CAMK2D: variants seen among roughly 807,000 people sequenced by gnomAD.
CAMK2D encodes calcium/calmodulin-dependent protein kinase type II subunit delta.
Under a neutral mutation model 84.0 loss-of-function variants are expected in CAMK2D, and 37 were observed. That is an observed-to-expected ratio of 0.44 (90% CI 0.34 to 0.58). The LOEUF is 0.58. Among genes scored for constraint, CAMK2D ranks in the 20% least tolerant of loss-of-function variants. The pLI is 0.02. For missense variants in CAMK2D, 448 were observed against 652.5 expected (o/e 0.69, Z 3.41); for synonymous variants, 202 against 212.5 (o/e 0.95, Z 0.43).
intron 3 of CAMK2D, among the ~76,000 whole-genome samples, chr4:113,636,658 C>A (rs573635574): frequency 2.0e-5 from 3 of 152,260 alleles, no homozygotes; most frequent in South Asian, 4.2e-4. Flanking sequence ...AGATAGATGG[C>A]CCCCTTGTCA....
chr4:113,716,289 A>G (rs533494123), intron 2 of CAMK2D, among the ~76,000 whole-genome samples: 1 of 152,294 alleles, frequency 6.6e-6, no homozygotes, highest in South Asian at 2.1e-4. Flanking sequence ...TCATTCTATT[A>G]TACACTAAAA....
intron 3 of CAMK2D, among the ~76,000 whole-genome samples, chr4:113,614,174 C>T (rs916949445): frequency 6.6e-6 from 1 of 152,092 alleles, no homozygotes. Flanking sequence ...ACCCCCCACA[C>T]AAAATAAAAC....
At chr4:113,737,077 C>A (rs996371857) in intron 2 of CAMK2D, among the ~76,000 whole-genome samples, 3 of 152,108 alleles carry the variant, frequency 2.0e-5, no homozygotes, top group Non-Finnish European at 4.4e-5. Context: ...CTAGCACTTT[C>A]CTGTGTACAA....
chr4:113,726,550 T>A (rs958183720), intron 2 of CAMK2D, among the ~76,000 whole-genome samples: 2 of 150,816 alleles, frequency 1.3e-5, no homozygotes, highest in African/African-American at 4.9e-5. Flanking sequence ...CCTGGCTAAT[T>A]TTTGTTTGTT....
rs1349834488 is a variant in CAMK2D at position 113,451,118 on chromosome 4, TAAAA to T, written c.*3423_*3426del. 1.3e-5 allele frequency: 2 copies of T among 152,190 alleles called. No homozygotes were observed. Among genetic ancestry groups the T allele is most frequent in the African/African-American group, 4.8e-5 (2 of 41,446 alleles). 9.4% of individuals were successfully genotyped at this position (152,190 alleles called of 1,614,324 possible). On this transcript the variant is annotated 3_prime_UTR_variant, in exon 21 of 21. Transcript: ENST00000511664. ...TACCCTTAAATTATAATTTTTTACA[TAAAA>T]ATTCAAAATTTGGGTGAAGATTAAT...
In CAMK2D at chr4:113,547,677, GCAGTGTAGCA is replaced by G. The variant is rs2098592283; in HGVS notation, c.371_380del (p.Val124AlafsTer11). 6.4e-7 allele frequency: 1 copy of G among 1,569,474 alleles called. No individual in the cohort carries two copies. The highest frequency in any genetic ancestry group is 1.8e-5 in the Admixed American group (1 of 56,064). ...CCCGATGGACCACGCCCATCTGATG[GCAGTGTAGCA>G]CAGCCTCCAGGATCTGCTGAATGCA... On this transcript the variant is annotated frameshift_variant, in exon 6 of 21. Coordinates refer to ENST00000511664, the MANE Select transcript of CAMK2D (RefSeq NM_001321571.2). LOFTEE classifies it high-confidence loss of function.
rs1204748707 is a variant in CAMK2D, at chr4:113,466,089, T to TA, written c.1136-486_1136-485insT. On this transcript the variant is annotated intron_variant, in intron 16 of 20. Transcript: ENST00000511664. ...CCACACGGAGAAACTTCATCTCTAC[T>TA]GAAAAAAAAATACAAAATTAGCCGG... Among the ~76,000 whole-genome samples, 188 of 148,906 alleles carry TA rather than the reference T, an allele frequency of 1.3e-3. 1 individual carries two copies. Among genetic ancestry groups the TA allele is most frequent in the African/African-American group, 3.6e-3 (148 of 40,796 alleles).
intron 2 of CAMK2D, among the ~76,000 whole-genome samples, chr4:113,665,977 C>T (rs1286988835): frequency 1.3e-5 from 2 of 152,116 alleles, no homozygotes; most frequent in African/African-American, 4.8e-5. Flanking sequence ...AACATTGCTT[C>T]CCAGCTAAGA....
rs536678961 is a variant in CAMK2D, at chr4:113,570,080, T to C, written c.276-17984A>G. ...TAAATTTGAGCAAAGAGATGAAAGATATGTACATTGAATTCTATAAAACAT... is the reference window on the plus strand; with the variant it reads ...TAAATTTGAGCAAAGAGATGAAAGACATGTACATTGAATTCTATAAAACAT... On this transcript the variant is annotated intron_variant, in intron 4 of 20. Coordinates refer to ENST00000511664, the MANE Select transcript of CAMK2D (RefSeq NM_001321571.2). Among the ~76,000 whole-genome samples the C allele has an allele frequency of 4.6e-5, 7 of 152,212 alleles. 1 individual carries two copies. In the South Asian group the frequency reaches 1.2e-3, roughly 27 times the overall value.
chr4:113,642,150 A>G lies in CAMK2D; in HGVS notation c.220+19563T>C, dbSNP rs371842038. ...AGCTCAAGAATCTGCCATTTTATCAAGGGAATCTAACATATAAGAATGCTT... is the reference window on the plus strand; with the variant it reads ...AGCTCAAGAATCTGCCATTTTATCAGGGGAATCTAACATATAAGAATGCTT... On this transcript the variant is annotated intron_variant, in intron 3 of 20. Coordinates refer to ENST00000511664, the MANE Select transcript of CAMK2D (RefSeq NM_001321571.2). 2.1e-3 allele frequency among the ~76,000 whole-genome samples: 314 copies of G among 152,334 alleles called. 8 individuals carry two copies. The South Asian group carries it at 0.049, about 24-fold the overall frequency.
intron 2 of CAMK2D, among the ~76,000 whole-genome samples, chr4:113,692,600 TCATA>T (rs1282581515): frequency 5.3e-5 from 8 of 151,992 alleles, no homozygotes; most frequent in Non-Finnish European, 1.2e-4. Context: ...ATTCATATAT[TCATA>T]CATACATATA....
chr4:113,710,203 T>A (rs891971008), intron 2 of CAMK2D, among the ~76,000 whole-genome samples: 3 of 152,088 alleles, frequency 2.0e-5, no homozygotes, highest in African/African-American at 7.2e-5. Context: ...GCAGGTTAAG[T>A]TATATTTATT....
intron 2 of CAMK2D, among the ~76,000 whole-genome samples, chr4:113,742,479 T>C (rs1258624278): frequency 1.3e-5 from 2 of 150,662 alleles, no homozygotes; most frequent in Non-Finnish European, 3.0e-5. Flanking sequence ...GGCAAAAGAA[T>C]AATAAAGTGG....
chr4:113,611,473 C>G (rs1193053854), intron 3 of CAMK2D, among the ~76,000 whole-genome samples: 6 of 152,088 alleles, frequency 3.9e-5, no homozygotes, highest in Non-Finnish European at 7.4e-5. Context: ...TACAATCTGA[C>G]CAGGAGGAAA....
At chr4:113,749,929 A>G (rs558629296) in intron 2 of CAMK2D, among the ~76,000 whole-genome samples, 3 of 152,366 alleles carry the variant, frequency 2.0e-5, no homozygotes, top group Admixed American at 2.0e-4. Flanking sequence ...TTTGCCAGTC[A>G]TAAGTTTCTC....
At chr4:113,543,948 C>T (rs891864261) in intron 6 of CAMK2D, among the ~76,000 whole-genome samples, 32 of 151,928 alleles carry the variant, frequency 2.1e-4, no homozygotes, top group African/African-American at 3.6e-4. Context: ...CCCGCCACCA[C>T]GCCCCGCTAA....
chr4:113,503,742 G>A (rs112116225), intron 14 of CAMK2D, among the ~76,000 whole-genome samples: 1 of 151,328 alleles, frequency 6.6e-6, no homozygotes, highest in Non-Finnish European at 1.5e-5. Flanking sequence ...AAGAAAGTAT[G>A]GGTTTTCTAT....
chr4:113,461,204 T>C (rs1276599120), intron 17 of CAMK2D, among the ~76,000 whole-genome samples: 5 of 152,134 alleles, frequency 3.3e-5, no homozygotes, highest in Non-Finnish European at 2.9e-5. Context: ...AGAAATATGA[T>C]TCAATAAAGG....
intron 3 of CAMK2D, among the ~76,000 whole-genome samples, chr4:113,640,183 G>A (rs1655851717): frequency 6.6e-6 from 1 of 152,128 alleles, no homozygotes; most frequent in South Asian, 2.1e-4. Context: ...TTTATGCACA[G>A]TATGATTACC....
Sources: gnomAD v4.1 joint callset for allele counts (sites outside exome capture counted in the v4.1 genomes callset) on GRCh38, gnomAD v4.1.1 for gene constraint, MANE v1.5 for transcripts, NCBI Gene and HGNC (gene_info 2026-07-23, HGNC 2026-07-21) for gene names.